MFSD11: variants seen among roughly 807,000 people sequenced by gnomAD.
MFSD11 encodes the protein UNC93-like protein MFSD11.
Under a neutral mutation model 53.5 loss-of-function variants are expected in MFSD11, and 36 were observed. The ratio of observed to expected loss-of-function variants is 0.67; its 90% CI spans 0.52 to 0.89. MFSD11 has a LOEUF of 0.89. MFSD11 is among the 40% of genes least tolerant of loss of function. The pLI, the probability that MFSD11 is intolerant of heterozygous loss-of-function variation, is 0.00. For missense variants in MFSD11, 530 were observed against 543.9 expected, an observed-to-expected ratio of 0.97 and a Z score of 0.25; for synonymous variants, 186 against 184.9, an observed-to-expected ratio of 1.01 and a Z score of -0.05.
intron 6 of MFSD11, 90 bp downstream of exon 6, chr17:76,743,546 C>A: frequency 1.3e-6 from 1 of 782,616 alleles, no homozygotes; most frequent in South Asian, 2.7e-5. Flanking sequence ...ATTCAAGCAT[C>A]GTTCTCATGA....
chr17:76,767,131 C>T, intron 8 of MFSD11: 5 of 361,628 alleles, frequency 1.4e-5, no homozygotes, highest in South Asian at 1.0e-4. Context: ...TCTTCCTTTT[C>T]ATGTTTTTGT....
intron 4 of MFSD11, 49 bp downstream of exon 4, chr17:76,742,097 C>T (rs199715938): frequency 1.9e-6 from 3 of 1,613,898 alleles, no homozygotes; most frequent in Non-Finnish European, 1.7e-6. Context: ...TGGGGCCTAT[C>T]TAAGGGTATT....
At chr17:76,739,541 A>G (rs1449862435) in intron 2 of MFSD11, among the ~76,000 whole-genome samples, 3 of 152,394 alleles carry the variant, frequency 2.0e-5, no homozygotes, top group Admixed American at 6.5e-5. Context: ...ATGTACAGGT[A>G]TATATACACA....
At chr17:76,797,256 G>A in the MFSD11 span, among the ~76,000 whole-genome samples, 99,190 of 151,992 alleles carry the variant, frequency 0.65, 33,378 homozygotes, top group Middle Eastern at 0.77. Context: ...GAGGACTGTT[G>A]GTTTATTTTA....
At chr17:76,737,216 GGCGGTGCGAC>G, upstream of MFSD11, 1 of 1,478,686 alleles carries the variant, frequency 6.8e-7, no homozygotes, top group South Asian at 1.3e-5. Context: ...CTCAGCTCTG[GGCGGTGCGAC>G]GCCGCGCCTC....
At chr17:76,761,707 G>T (rs552073189) in intron 8 of MFSD11, among the ~76,000 whole-genome samples, 10 of 151,014 alleles carry the variant, frequency 6.6e-5, no homozygotes, top group Non-Finnish European at 1.3e-4. Context: ...CGGATCATGA[G>T]GTCAGGAGAT....
intron 8 of MFSD11, 120 bp downstream of exon 8, chr17:76,754,207 A>C (rs746268888): frequency 9.7e-6 from 7 of 718,054 alleles, no homozygotes; most frequent in Non-Finnish European, 1.7e-5. Context: ...TTTTCCAGGT[A>C]TGCTGCTCTG....
rs892833622 is a variant in MFSD11, at chr17:76,741,966, T to C, written c.261-3T>C. ...TGTAATACCTTGACCTGTTATATTTTAGCATGTACATTGCCGTTTTCATCC... is the reference window on the plus strand; with the variant it reads ...TGTAATACCTTGACCTGTTATATTTCAGCATGTACATTGCCGTTTTCATCC... On this transcript the variant is annotated splice_polypyrimidine_tract_variant and splice_region_variant and intron_variant, in intron 3 of 12. Transcript: ENST00000685175. The C allele has an allele frequency of 6.2e-7, 1 of 1,614,178 alleles. No homozygotes were observed. Among genetic ancestry groups the C allele is most frequent in the Middle Eastern group, 1.7e-4 (1 of 6,060 alleles).
rs2078273687 is a variant in MFSD11 at position 76,743,435 on chromosome 17, C to A, written c.475C>A (p.Gln159Lys). ...AAATCTCTACATATATTTTGCCTGG[C>A]AAGGGAAAACTCAGATATCAGGTTT... ...FGNLYIYFAWQGKTQISESDR... is the reference protein window; with the variant it reads ...FGNLYIYFAWKGKTQISESDR... Residue 159 changes from glutamine (Q) to lysine (K), a missense_variant, in exon 6 of 13, where the codon CAA becomes AAA. By Grantham distance (53) the Gln-to-Lys change is moderately conservative (BLOSUM62 1). Transcript: ENST00000685175. 6.3e-7 allele frequency: 1 copy of A among 1,581,848 alleles called. No individual in the cohort carries two copies. Among genetic ancestry groups the A allele is most frequent in the Non-Finnish European group, 8.6e-7 (1 of 1,166,170 alleles).
At position 76,776,509 on chromosome 17, in the gene MFSD11, G is replaced by A. The variant is rs1458315882; in HGVS notation, c.1153G>A (p.Ala385Thr). Residue 385 changes from alanine (A) to threonine (T), a missense_variant, in exon 12 of 13, where the codon GCC (alanine) becomes ACC (threonine). Physicochemically the swap from Ala to Thr is moderately conservative, Grantham distance 58 (BLOSUM62 0). Transcript: ENST00000685175. This position sits in a 1 kb window ranked among gnomAD's most constrained non-coding sequence, Gnocchi z 4.2. ...ILGFLYSEDS[A>T]PAFAIFKFVQ... ...GGGCTTTCTGTATTCTGAAGACAGC[G>A]CCCCAGCATTTGCCATCTTCAAGTT... The A allele has an allele frequency of 1.3e-5, 21 of 1,613,830 alleles. No individual in the cohort carries two copies. The highest frequency in any genetic ancestry group is 4.0e-5 in the African/African-American group (3 of 74,890).
chr17:76,787,133 C>CTTT, the MFSD11 span, among the ~76,000 whole-genome samples: 2 of 114,950 alleles, frequency 1.7e-5, no homozygotes, highest in South Asian at 2.9e-4. Context: ...TGAGTGATTT[C>CTTT]TTTTTTTTTT....
chr17:76,780,827 A>G (rs567857910), downstream of MFSD11, among the ~76,000 whole-genome samples: 1 of 152,126 alleles, frequency 6.6e-6, no homozygotes, highest in Non-Finnish European at 1.5e-5. Context: ...CCAGATTTTG[A>G]AGTTCTGGTT....
intron 6 of MFSD11, 26 bp downstream of exon 6, chr17:76,743,482 T>A: frequency 6.9e-7 from 1 of 1,453,960 alleles, no homozygotes; most frequent in South Asian, 1.3e-5. Context: ...GTTGCTTTAT[T>A]CAGATATGTT....
At chr17:76,738,040 G>A, upstream of MFSD11, 1 of 384,598 alleles carries the variant, frequency 2.6e-6, no homozygotes, top group South Asian at 1.0e-4. Context: ...GGCTGCTGCG[G>A]CTGGCACTTG....
At chr17:76,756,851 C>T (rs1332930057) in intron 8 of MFSD11, among the ~76,000 whole-genome samples, 1 of 147,988 alleles carries the variant, frequency 6.8e-6, no homozygotes, top group Non-Finnish European at 1.5e-5. Context: ...CAGAGTGAGA[C>T]TCCATCTCAG....
At chr17:76,747,688 G>T (rs909301739) in intron 7 of MFSD11, among the ~76,000 whole-genome samples, 1 of 152,160 alleles carries the variant, frequency 6.6e-6, no homozygotes, top group Non-Finnish European at 1.5e-5. Flanking sequence ...GTCTGTGAAA[G>T]TGAATACCAC....
chr17:76,738,485 C>A, intron 1 of MFSD11, 37 bp downstream of exon 1: 1 of 1,404,064 alleles, frequency 7.1e-7, no homozygotes, highest in Non-Finnish European at 1.0e-6. Flanking sequence ...TTGAAGTGCC[C>A]ATCATAATGC....
At chr17:76,765,273 ACT>A (rs1273688758) in intron 8 of MFSD11, among the ~76,000 whole-genome samples, 2 of 151,408 alleles carry the variant, frequency 1.3e-5, no homozygotes, top group Non-Finnish European at 2.9e-5. Context: ...TTTTTTTGTC[ACT>A]CTTGTCAAAA....
At chr17:76,794,979 C>T in the MFSD11 span, among the ~76,000 whole-genome samples, 2 of 151,678 alleles carry the variant, frequency 1.3e-5, no homozygotes, top group African/African-American at 4.8e-5. Context: ...CAGGCATGAG[C>T]CACCACACCC....
Sources: gnomAD v4.1 joint callset for allele counts (sites outside exome capture counted in the v4.1 genomes callset) on GRCh38, gnomAD v4.1.1 for gene constraint, Gnocchi (gnomAD v3.1) non-coding constraint, MANE v1.5 for transcripts, NCBI Gene and HGNC (gene_info 2026-07-23, HGNC 2026-07-21) for gene names.